Variants in SLC24A4 observed in about 807,000 individuals in gnomAD.
SLC24A4 encodes sodium/potassium/calcium exchanger 4.
In SLC24A4, 53 loss-of-function variants were observed where a neutral mutation model predicts 79.0. That is an observed-to-expected ratio of 0.67 (90% CI 0.54 to 0.84). SLC24A4 has a LOEUF of 0.84. Among genes scored for constraint, SLC24A4 ranks in the 40% least tolerant of loss-of-function variants. The pLI, the probability that SLC24A4 is intolerant of heterozygous loss-of-function variation, is 0.00. For synonymous variants in SLC24A4, 323 were observed against 323.8 expected (o/e 1.00, Z 0.03); for missense variants, 731 against 822.0 (o/e 0.89, Z 1.35).
At chr14:92,331,361 G>A (rs552672421) in intron 2 of SLC24A4, among the ~76,000 whole-genome samples, 1 of 152,254 alleles carries the variant, frequency 6.6e-6, no homozygotes, top group African/African-American at 2.4e-5. Context: ...TCAGCTTACT[G>A]CAGTCTCGAC....
chr14:92,346,539 T>C (rs1263183651), intron 2 of SLC24A4, among the ~76,000 whole-genome samples: 1 of 152,214 alleles, frequency 6.6e-6, no homozygotes, highest in Non-Finnish European at 1.5e-5. Flanking sequence ...GAGGGATAGA[T>C]CATTGTTGTA....
intron 12 of SLC24A4, among the ~76,000 whole-genome samples, chr14:92,479,649 A>AT (rs1488569803): frequency 1.3e-5 from 2 of 152,118 alleles, no homozygotes; most frequent in African/African-American, 2.4e-5. Flanking sequence ...TTCAGAAGGG[A>AT]TATTGGTCTG....
intron 2 of SLC24A4, among the ~76,000 whole-genome samples, chr14:92,369,900 C>T (rs61975593): frequency 6.6e-6 from 1 of 152,156 alleles, no homozygotes; most frequent in Non-Finnish European, 1.5e-5. Flanking sequence ...CTCATTGGTA[C>T]AGAGGAGAAT....
At position 92,389,157 on chromosome 14, in the gene SLC24A4, A is replaced by G. The variant is rs571362460; in HGVS notation, c.242-44755A>G. ...TGGATGATGGATGCATGGAAGTTCA[A>G]TGTGTGCTGTGTCTATTCCTATGTA... On this transcript the variant is annotated intron_variant, in intron 2 of 16. Transcript: ENST00000532405. Among the ~76,000 whole-genome samples the G allele has an allele frequency of 3.9e-5, 6 of 152,242 alleles. No individual in the cohort carries two copies. The South Asian group carries it at 6.2e-4, about 16-fold the overall frequency.
At chr14:92,356,094 A>C (rs150629136) in intron 2 of SLC24A4, among the ~76,000 whole-genome samples, 191 of 152,292 alleles carry the variant, frequency 1.3e-3, no homozygotes, top group Non-Finnish European at 1.4e-3. Flanking sequence ...ATCACATGAG[A>C]GAGTCAACAT....
chr14:92,330,309 C>T (rs572354836), intron 2 of SLC24A4, among the ~76,000 whole-genome samples: 1 of 152,204 alleles, frequency 6.6e-6, no homozygotes, highest in African/African-American at 2.4e-5. Flanking sequence ...TTTAATAGAG[C>T]CATTTTCCTA....
intron 3 of SLC24A4, among the ~76,000 whole-genome samples, chr14:92,438,551 G>A (rs780394813): frequency 7.9e-5 from 12 of 152,322 alleles, no homozygotes; most frequent in Non-Finnish European, 1.5e-4. Context: ...CCACGAGGTA[G>A]AGGCCACAGT....
intron 2 of SLC24A4, among the ~76,000 whole-genome samples, chr14:92,333,510 C>T (rs1885598719): frequency 6.6e-6 from 1 of 152,126 alleles, no homozygotes; most frequent in Admixed American, 6.5e-5. Context: ...GGCTTGATTT[C>T]CCCTTGTTGT....
At chr14:92,442,302 T>A in intron 5 of SLC24A4, 129 bp downstream of exon 5, 1 of 681,808 alleles carries the variant, frequency 1.5e-6, no homozygotes, top group Non-Finnish European at 2.5e-6. Flanking sequence ...GGAGAGGCAG[T>A]AAGTAGACTG....
intron 2 of SLC24A4, among the ~76,000 whole-genome samples, chr14:92,334,709 C>T (rs140098050): frequency 4.1e-4 from 62 of 152,164 alleles, no homozygotes; most frequent in African/African-American, 1.0e-3. Flanking sequence ...CCTTACTGGC[C>T]GTGTGACCCT....
rs947589695 is a variant in SLC24A4, at chr14:92,496,144, A to G, written c.*2516A>G. ...AAAGTTGCAGTTAGAAACTAAAATA[A>G]TGTTTTTTAATATGTAATATGCTCC... On this transcript the variant is annotated 3_prime_UTR_variant, in exon 17 of 17. Coordinates refer to ENST00000532405, the MANE Select transcript of SLC24A4 (RefSeq NM_153646.4). The G allele has an allele frequency of 6.6e-6, 1 of 152,668 alleles. No individual in the cohort carries two copies. Among genetic ancestry groups the G allele is most frequent in the Non-Finnish European group, 1.5e-5 (1 of 68,044 alleles). The allele number at this position is 152,668 out of a possible 1,614,324, so 9.5% of individuals were successfully genotyped here. A position where few individuals can be genotyped will look rare whatever the true frequency, so the allele number is the denominator to read the frequency against.
chr14:92,369,490 T>G (rs1888029314), intron 2 of SLC24A4, among the ~76,000 whole-genome samples: 1 of 152,196 alleles, frequency 6.6e-6, no homozygotes, highest in Non-Finnish European at 1.5e-5. Context: ...GAAAGGAGAC[T>G]GTGGAGACAG....
intron 6 of SLC24A4, 77 bp from the exon 7 acceptor site, chr14:92,443,323 G>A: frequency 7.2e-7 from 1 of 1,396,390 alleles, no homozygotes; most frequent in Non-Finnish European, 1.0e-6. Context: ...TGCACTGCGG[G>A]GGGAGGAGGC....
intron 10 of SLC24A4, chr14:92,451,899 CT>C (rs1893161687): frequency 6.6e-6 from 1 of 152,538 alleles, no homozygotes; most frequent in Non-Finnish European, 1.5e-5. Flanking sequence ...GGGGTGATGC[CT>C]GGCCTGGGGC....
At chr14:92,462,603 G>A (rs1893879077) in intron 12 of SLC24A4, 1 of 152,090 alleles carries the variant, frequency 6.6e-6, no homozygotes, top group African/African-American at 2.4e-5. Context: ...TCATCATGTT[G>A]ACCAGGCTGG....
Position 92,487,974 on chromosome 14 carries a change from CTGCTCCTCCTCCTCCTCCTCCTCT to C in SLC24A4, c.1537+1195_1537+1218del, listed in dbSNP as rs1178479182. On this transcript the variant is annotated intron_variant, in intron 14 of 16. Transcript: ENST00000532405. ...GTATGTCTGTGTCGACTTCCTCCTC[CTGCTCCTCCTCCTCCTCCTCCTCT>C]CGCTCCTCCTCCTTTTCCTCCTCCT... Among the ~76,000 whole-genome samples the C allele has an allele frequency of 3.5e-3, 519 of 146,350 alleles. 4 individuals are homozygous for C. Among genetic ancestry groups the C allele is most frequent in the African/African-American group, 0.012 (498 of 39,882 alleles).
chr14:92,470,749 C>G (rs1263140899), intron 12 of SLC24A4, among the ~76,000 whole-genome samples: 1 of 152,162 alleles, frequency 6.6e-6, no homozygotes, highest in Non-Finnish European at 1.5e-5. Flanking sequence ...TCAGTATAGG[C>G]ATTGTCCCAT....
intron 2 of SLC24A4, among the ~76,000 whole-genome samples, chr14:92,327,119 A>G (rs896116184): frequency 3.3e-5 from 5 of 152,234 alleles, no homozygotes; most frequent in Admixed American, 1.3e-4. Flanking sequence ...TTGAGAACCT[A>G]GGCCTGTGAA....
intron 2 of SLC24A4, among the ~76,000 whole-genome samples, chr14:92,417,687 C>A (rs532988069): frequency 6.6e-6 from 1 of 152,320 alleles, no homozygotes; most frequent in East Asian, 1.9e-4. Context: ...AACAAGTGTA[C>A]CATTTTTTAT....
Sources: gnomAD v4.1 joint callset for allele counts (sites outside exome capture counted in the v4.1 genomes callset) on GRCh38, gnomAD v4.1.1 for gene constraint, MANE v1.5 for transcripts, NCBI Gene and HGNC (gene_info 2026-07-23, HGNC 2026-07-21) for gene names.